The following LRP2 variants were observed in gnomAD, a reference collection of about 807,000 sequenced individuals.
The protein encoded by LRP2 is LDL receptor related protein 2.
LRP2 carries 172 observed loss-of-function variants against 531.0 expected under a neutral mutation model. That is an observed-to-expected ratio of 0.32 (90% CI 0.29 to 0.37). The LOEUF (loss-of-function observed/expected upper bound fraction) is 0.37. Ranked by LOEUF, LRP2 falls within the 10% of genes least tolerant of loss-of-function variation. The pLI is 1.00. For synonymous variants in LRP2, 1,992 were observed against 2,027.6 expected (o/e 0.98, Z 0.47); for missense variants, 5,167 against 5,868.3 (o/e 0.88, Z 3.90).
intron 4 of LRP2, among the ~76,000 whole-genome samples, chr2:169,296,844 A>C (rs1684146376): frequency 6.6e-6 from 1 of 152,172 alleles, no homozygotes. Flanking sequence ...CCCACCCAAC[A>C]AACAAGAAGC....
At chr2:169,247,262 TA>T in intron 20 of LRP2, 115 bp downstream of exon 20, 1 of 1,137,176 alleles carries the variant, frequency 8.8e-7, no homozygotes, top group Non-Finnish European at 1.3e-6. Context: ...GACAAGAATA[TA>T]AAACTACCAG....
At position 169,270,991 on chromosome 2, in the gene LRP2, C is replaced by T. The variant is rs1201105990; in HGVS notation, c.2233G>A (p.Gly745Arg). 6 of 1,613,200 alleles carry T rather than the reference C, an allele frequency of 3.7e-6. No homozygotes were observed. The highest frequency in any genetic ancestry group is 1.7e-4 in the Middle Eastern group (1 of 6,052). ...PVSGNPSFFV[G>R]IDFDAQDSTI... The stretch of plus-strand genomic sequence containing the variant: ...CTGTCCTGGGCGTCAAAATCAATCC[C>T]GACAAAGAAAGAAGGATTCCCCGAA... Residue 745 changes from glycine to arginine, a missense_variant, in exon 16 of 79, where the codon GGG becomes AGG. Transcript: ENST00000649046.
At chr2:169,264,411 C>G (rs1451215069) in intron 16 of LRP2, among the ~76,000 whole-genome samples, 2 of 151,882 alleles carry the variant, frequency 1.3e-5, no homozygotes, top group Non-Finnish European at 2.9e-5. Context: ...GCTAGAAACC[C>G]AATACTACCT....
At chr2:169,165,230 T>C (rs1211046940) in intron 62 of LRP2, among the ~76,000 whole-genome samples, 1 of 152,176 alleles carries the variant, frequency 6.6e-6, no homozygotes, top group African/African-American at 2.4e-5. Flanking sequence ...AAAAAAATAA[T>C]TGGAGTCGGG....
Position 169,198,878 on chromosome 2 carries a change from C to T in LRP2, c.8486G>A (p.Cys2829Tyr). Residue 2829 changes from cysteine to tyrosine, a missense_variant, in exon 45 of 79, where the codon TGT (cysteine) becomes TAT (tyrosine). Physicochemically the swap from Cys to Tyr is radical, Grantham distance 194. Transcript: ENST00000649046. ...AGGAATACAAATATTTGAATTATGA[C>T]ATTTTGTGTATCCAGACTGGCAAGT... is the stretch of plus-strand genomic sequence containing the variant. ...DRTCQSGYTK[C>Y]HNSNICIPRV... The T allele has an allele frequency of 6.2e-7, 1 of 1,613,790 alleles. No individual in the cohort carries two copies. Among genetic ancestry groups the T allele is most frequent in the East Asian group, 2.2e-5 (1 of 44,864 alleles).
At chr2:169,198,687 A>C (rs1205729320) in intron 45 of LRP2, 99 bp downstream of exon 45, 15 of 1,417,020 alleles carry the variant, frequency 1.1e-5, no homozygotes, top group Non-Finnish European at 1.5e-5. Context: ...GTGAAATGAC[A>C]ATTGAAATCA....
At position 169,318,756 on chromosome 2, in the gene LRP2, A is replaced by G; in HGVS notation, c.310+6T>C. 1 of 1,613,982 alleles carries G rather than the reference A, an allele frequency of 6.2e-7. No homozygotes were observed. Among genetic ancestry groups the G allele is most frequent in the Non-Finnish European group, 8.5e-7 (1 of 1,179,916 alleles). On this transcript the variant is annotated splice_donor_region_variant and intron_variant, in intron 3 of 78. Transcript: ENST00000649046. ...GCCAAAGCAAGATTCCTCTCCAAAC[A>G]CTTACAGCAATCTTGACGTTCATCT...
chr2:169,169,608 C>T (rs1686916460), intron 60 of LRP2, 94 bp downstream of exon 60: 4 of 915,536 alleles, frequency 4.4e-6, no homozygotes, highest in Non-Finnish European at 5.5e-6. Context: ...ATACTTATGG[C>T]CTTTTAATCT....
At chr2:169,190,631 G>A (rs1574114159) in intron 48 of LRP2, among the ~76,000 whole-genome samples, 1 of 152,148 alleles carries the variant, frequency 6.6e-6, no homozygotes, top group Admixed American at 6.6e-5. Context: ...TTCGCATGCT[G>A]TAAGGTGGCC....
intron 39 of LRP2, 53 bp downstream of exon 39, chr2:169,206,277 G>A: frequency 6.2e-7 from 1 of 1,610,986 alleles, no homozygotes; most frequent in Non-Finnish European, 8.5e-7. Flanking sequence ...ATCCATGTGT[G>A]TTGACCCCAT....
rs61219833 is a variant in LRP2 at position 169,290,756 on chromosome 2, T to C, written c.922+89A>G. ...GTCTTGGGGTGCTTTGTTATGCAAATGCCAACAGATACACTGTATTTGAAC... is the reference window on the plus strand; with the variant it reads ...GTCTTGGGGTGCTTTGTTATGCAAACGCCAACAGATACACTGTATTTGAAC... On this transcript the variant is annotated intron_variant, in intron 8 of 78. Transcript: ENST00000649046. The C allele has an allele frequency of 0.082, 113,326 of 1,389,482 alleles. 5,697 individuals carry two copies. Among genetic ancestry groups the C allele is most frequent in the Middle Eastern group, 0.15 (822 of 5,310 alleles). 86.1% of individuals were successfully genotyped at this position (1,389,482 alleles called of 1,614,324 possible). A position where few individuals can be genotyped will look rare whatever the true frequency, so the allele number is the denominator to read the frequency against.
intron 16 of LRP2, among the ~76,000 whole-genome samples, chr2:169,267,278 C>T (rs1210479440): frequency 6.6e-6 from 1 of 152,086 alleles, no homozygotes; most frequent in African/African-American, 2.4e-5. Flanking sequence ...ACATAACTAT[C>T]CACCCCAAAT....
In LRP2 at chr2:169,142,675, T is replaced by G; in HGVS notation, c.13107A>C (p.Ala4369=). ...TAGCTGCTTGGGCAGTGCTCCTACC[T>G]GCATCACACTCAGTGGTGCTCCCCT... ...FIEGSTTECD[A]AIELPINLPP... is the part of the protein sequence containing the mutation. Residue 4369 remains alanine, a splice_region_variant and synonymous_variant, in exon 71 of 79, where the codon GCA becomes GCC. Coordinates refer to ENST00000649046, the MANE Select transcript of LRP2 (RefSeq NM_004525.3). 6.2e-7 allele frequency: 1 copy of G among 1,613,788 alleles called. No individual in the cohort carries two copies. The highest frequency in any genetic ancestry group is 8.5e-7 in the Non-Finnish European group (1 of 1,179,760).
intron 1 of LRP2, among the ~76,000 whole-genome samples, chr2:169,346,928 T>G (rs1423596793): frequency 6.6e-6 from 1 of 152,184 alleles, no homozygotes; most frequent in Non-Finnish European, 1.5e-5. Context: ...AGCTTTTAAG[T>G]TCTATCTTTG....
At chr2:169,129,301 A>G (rs1028742557) in intron 77 of LRP2, among the ~76,000 whole-genome samples, 6 of 152,208 alleles carry the variant, frequency 3.9e-5, no homozygotes, top group Non-Finnish European at 5.9e-5. Flanking sequence ...GAATGGTTTT[A>G]AACACTTCTT....
At chr2:169,198,714 T>G (rs1308133645) in intron 45 of LRP2, 72 bp downstream of exon 45, 1 of 1,574,382 alleles carries the variant, frequency 6.4e-7, no homozygotes, top group East Asian at 2.3e-5. Flanking sequence ...ATACCCACGC[T>G]TCATATCTTT....
At chr2:169,327,485 T>TG (rs1191967247) in intron 1 of LRP2, among the ~76,000 whole-genome samples, 3 of 57,092 alleles carry the variant, frequency 5.3e-5, no homozygotes, top group South Asian at 5.8e-4. Flanking sequence ...GGGAGGGAGG[T>TG]GGGGGGGTCA....
At position 169,185,487 on chromosome 2, in the gene LRP2, A is replaced by T. The variant is rs1443443498; in HGVS notation, c.9845+16T>A. 1.2e-6 allele frequency: 2 copies of T among 1,612,250 alleles called. No individual in the cohort carries two copies. The highest frequency in any genetic ancestry group is 1.3e-5 in the African/African-American group (1 of 75,022). The stretch of plus-strand genomic sequence containing the variant: ...TTAATTTTTAACTTTTAAAAAGCTC[A>T]TCAGTGTTTTCTTACCTGGAAACCC... On this transcript the variant is annotated intron_variant, in intron 50 of 78. Transcript: ENST00000649046.
intron 68 of LRP2, among the ~76,000 whole-genome samples, chr2:169,150,246 T>C (rs1035958518): frequency 6.6e-6 from 1 of 152,160 alleles, no homozygotes; most frequent in Non-Finnish European, 1.5e-5. Context: ...GGAAAATTAT[T>C]TGGGGTCATT....
Sources: allele counts gnomAD v4.1 joint callset (sites outside exome capture counted in the v4.1 genomes callset), GRCh38; gene constraint gnomAD v4.1.1; transcripts MANE v1.5; gene names NCBI Gene and HGNC (gene_info 2026-07-23, HGNC 2026-07-21).